The following PLA2R1 variants were observed in gnomAD, a reference collection of about 807,000 sequenced individuals.
PLA2R1 encodes phospholipase A2 receptor 1.
Under a neutral mutation model 195.9 loss-of-function variants are expected in PLA2R1, and 158 were observed. The ratio of observed to expected loss-of-function variants is 0.81; its 90% CI spans 0.71 to 0.92. The LOEUF (loss-of-function observed/expected upper bound fraction) is 0.92, where lower values mean the gene tolerates loss of function less well. Ranked by LOEUF, PLA2R1 falls within the 40% of genes least tolerant of loss-of-function variation. The pLI is 0.00. For missense variants in PLA2R1, 1,626 were observed against 1,764.6 expected (o/e 0.92, Z 1.41); for synonymous variants, 586 against 598.2 (o/e 0.98, Z 0.30).
intron 9 of PLA2R1, among the ~76,000 whole-genome samples, chr2:160,015,608 C>T (rs893808806): frequency 6.6e-6 from 1 of 152,124 alleles, no homozygotes; most frequent in Non-Finnish European, 1.5e-5. Flanking sequence ...AGACAAATCC[C>T]CCCACCCTCG....
intron 1 of PLA2R1, among the ~76,000 whole-genome samples, chr2:160,052,138 C>T (rs1695249528): frequency 6.6e-6 from 1 of 152,208 alleles, no homozygotes; most frequent in Non-Finnish European, 1.5e-5. Context: ...TGTTCTCTTC[C>T]ATTTTCTCTC....
At position 159,955,902 on chromosome 2, in the gene PLA2R1, G is replaced by A; in HGVS notation, c.3023-74C>T. 6 of 824,890 alleles carry A rather than the reference G, an allele frequency of 7.3e-6. No homozygotes were observed. In the South Asian group the frequency reaches 1.1e-4, roughly 16 times the overall value. 51.1% of individuals were successfully genotyped at this position (824,890 alleles called of 1,614,324 possible). ...GGGTAATCACTGCATCCTATTTATA[G>A]CTATGATTATATTTAAATGCCAGCA... On this transcript the variant is annotated intron_variant, in intron 21 of 29. Transcript: ENST00000283243.
intron 3 of PLA2R1, among the ~76,000 whole-genome samples, chr2:160,039,395 T>C (rs1447202213): frequency 6.6e-6 from 1 of 152,200 alleles, no homozygotes; most frequent in East Asian, 1.9e-4. Context: ...GCTGAAGATG[T>C]TTTATTACAT....
intron 11 of PLA2R1, among the ~76,000 whole-genome samples, chr2:159,991,058 T>C (rs1690750035): frequency 6.6e-6 from 1 of 152,176 alleles, no homozygotes; most frequent in Admixed American, 6.5e-5. Flanking sequence ...AAACCAGATG[T>C]ATTTGGGTCT....
At chr2:159,984,986 G>A (rs1264739594) in intron 12 of PLA2R1, among the ~76,000 whole-genome samples, 1 of 152,044 alleles carries the variant, frequency 6.6e-6, no homozygotes, top group Non-Finnish European at 1.5e-5. Flanking sequence ...CCTCCTCTGG[G>A]AACCTCTTCC....
rs1574740342 is a variant in PLA2R1 at position 159,987,196 on chromosome 2, A to G, written c.1997T>C (p.Leu666Ser). Residue 666 changes from leucine (L) to serine (S), a missense_variant, in exon 12 of 30, where the codon TTG becomes TCG. Coordinates refer to ENST00000283243, the MANE Select transcript of PLA2R1 (RefSeq NM_007366.5). ...CAGACCAGGCTCTGACTCCCAGTCC[A>G]AATAGCAGGGGTGAAAGGGCCATCT... is the stretch of plus-strand genomic sequence containing the variant. ...EERWPFHPCYLDWESEPGLAS... is the reference protein window; with the variant it reads ...EERWPFHPCYSDWESEPGLAS... The G allele has an allele frequency of 6.2e-7, 1 of 1,613,632 alleles. No individual in the cohort carries two copies. The highest frequency in any genetic ancestry group is 1.7e-5 in the Admixed American group (1 of 60,002).
At chr2:160,004,695 C>A (rs1467853770) in intron 11 of PLA2R1, among the ~76,000 whole-genome samples, 1 of 152,188 alleles carries the variant, frequency 6.6e-6, no homozygotes, top group Non-Finnish European at 1.5e-5. Context: ...CAAGAACTCA[C>A]CCTGAAGTAG....
At chr2:159,970,942 G>T (rs1689119297) in intron 17 of PLA2R1, among the ~76,000 whole-genome samples, 1 of 148,550 alleles carries the variant, frequency 6.7e-6, no homozygotes, top group Non-Finnish European at 1.5e-5. Context: ...TCACACACTG[G>T]GGCCTGTCGG....
chr2:160,049,031 C>CG (rs1480697707), intron 1 of PLA2R1, among the ~76,000 whole-genome samples: 1 of 151,732 alleles, frequency 6.6e-6, no homozygotes, highest in Non-Finnish European at 1.5e-5. Context: ...TTAGTAGAGA[C>CG]GGGGTTTCAC....
At chr2:159,969,174 A>G in intron 19 of PLA2R1, 82 bp downstream of exon 19, 1 of 697,736 alleles carries the variant, frequency 1.4e-6, no homozygotes, top group Non-Finnish European at 2.5e-6. Context: ...CTTCTCATGG[A>G]AATGATGCAA....
In PLA2R1 at chr2:160,028,306, CATAAATGAACTAA is replaced by C. The variant is rs1693647672; in HGVS notation, c.998_1010del (p.Phe333CysfsTer22). 4.4e-6 allele frequency: 7 copies of C among 1,607,026 alleles called. No individual in the cohort carries two copies. Among genetic ancestry groups the C allele is most frequent in the Non-Finnish European group, 6.0e-6 (7 of 1,174,468 alleles). ...AATCCCGACTCCTCCAGGCACTTGG[CATAAATGAACTAA>C]ATGTTCCACAGTGATCTTCAACAAA... On this transcript the variant is annotated frameshift_variant, in exon 6 of 30. Transcript: ENST00000283243. LOFTEE classifies it high-confidence loss of function.
intron 19 of PLA2R1, among the ~76,000 whole-genome samples, chr2:159,968,092 T>C (rs1274531062): frequency 6.6e-6 from 1 of 152,078 alleles, no homozygotes; most frequent in African/African-American, 2.4e-5. Flanking sequence ...CTTTAGAAAA[T>C]ATAATAATTT....
At chr2:160,054,453 A>T (rs1695411270) in intron 1 of PLA2R1, among the ~76,000 whole-genome samples, 1 of 152,214 alleles carries the variant, frequency 6.6e-6, no homozygotes, top group African/African-American at 2.4e-5. Flanking sequence ...TGTATAGTTA[A>T]ATAATTACTT....
intron 25 of PLA2R1, among the ~76,000 whole-genome samples, chr2:159,948,054 A>C (rs1308392171): frequency 6.6e-6 from 1 of 152,210 alleles, no homozygotes; most frequent in East Asian, 1.9e-4. Flanking sequence ...ACATAAAATA[A>C]ATAAGGGAAC....
At chr2:160,018,256 T>C (rs937036842) in intron 8 of PLA2R1, among the ~76,000 whole-genome samples, 2 of 152,152 alleles carry the variant, frequency 1.3e-5, no homozygotes, top group Non-Finnish European at 2.9e-5. Flanking sequence ...TTCTGTAAAC[T>C]TGCAGAGCAA....
At chr2:160,035,477 T>C (rs952031598) in intron 3 of PLA2R1, among the ~76,000 whole-genome samples, 2 of 152,210 alleles carry the variant, frequency 1.3e-5, no homozygotes, top group Non-Finnish European at 2.9e-5. Context: ...TTGAGAACTC[T>C]GAAAATCAAA....
Position 159,976,086 on chromosome 2 carries a change from G to C in PLA2R1, c.2577C>G (p.Ile859Met), listed in dbSNP as rs200445803. 5 of 1,612,574 alleles carry C rather than the reference G, an allele frequency of 3.1e-6. No individual in the cohort carries two copies. Among genetic ancestry groups the C allele is most frequent in the Non-Finnish European group, 3.4e-6 (4 of 1,179,266 alleles). Residue 859 changes from isoleucine (I) to methionine (M), a missense_variant, in exon 17 of 30, where the codon ATC (isoleucine) becomes ATG (methionine). Ile to Met is a conservative substitution (Grantham distance 10). Coordinates refer to ENST00000283243, the MANE Select transcript of PLA2R1 (RefSeq NM_007366.5). Reference sequence around the variant, plus strand: ...CAAGTACCGCTTTTATTTTGCTGTGGATGAATTCTTGCTCATGTGCAGAAT... The same window carrying C: ...CAAGTACCGCTTTTATTTTGCTGTGCATGAATTCTTGCTCATGTGCAGAAT... ...TIHSAHEQEF[I>M]HSKIKALSKY...
intron 26 of PLA2R1, among the ~76,000 whole-genome samples, 166 bp from the exon 27 acceptor site, chr2:159,947,083 G>T (rs1281116611): frequency 6.6e-6 from 1 of 152,130 alleles, no homozygotes; most frequent in Non-Finnish European, 1.5e-5. Context: ...TTTTTTAAAA[G>T]ATACAAGCTT....
chr2:159,948,662 A>AT (rs1574648558), intron 25 of PLA2R1, among the ~76,000 whole-genome samples: 2 of 150,492 alleles, frequency 1.3e-5, no homozygotes, highest in East Asian at 3.9e-4. Flanking sequence ...AAAAAAAAAA[A>AT]GGAGAAAAGG....
Sources: allele counts gnomAD v4.1 joint callset (sites outside exome capture counted in the v4.1 genomes callset), GRCh38; gene constraint gnomAD v4.1.1; transcripts MANE v1.5; gene names NCBI Gene and HGNC (gene_info 2026-07-23, HGNC 2026-07-21).